The following TAB2 variants were observed in gnomAD, a reference collection of about 807,000 sequenced individuals.
The protein encoded by TAB2 is TGF-beta-activated kinase 1 and MAP3K7-binding protein 2.
Under a neutral mutation model 65.0 loss-of-function variants are expected in TAB2, and 3 were observed. The ratio of observed to expected loss-of-function variants is 0.05; its 90% CI spans 0.02 to 0.12. TAB2 has a LOEUF of 0.12. Among genes scored for constraint, TAB2 ranks in the 10% least tolerant of loss-of-function variants. The probability of loss-of-function intolerance (pLI) is 1.00; values close to 1 mark genes in which losing one functional copy is unlikely to be tolerated. For missense variants in TAB2, 623 were observed against 840.3 expected, an observed-to-expected ratio of 0.74 and a Z score of 3.20; for synonymous variants, 298 against 285.1, an observed-to-expected ratio of 1.05 and a Z score of -0.46.
chr6:149,386,439 C>T (rs1198628154), intron 3 of TAB2, among the ~76,000 whole-genome samples: 2 of 143,780 alleles, frequency 1.4e-5, no homozygotes, highest in Non-Finnish European at 3.1e-5. Flanking sequence ...AAGCTATCAC[C>T]TCCCTATCCC....
At chr6:149,347,746 TTA>T (rs368873168) in intron 1 of TAB2, among the ~76,000 whole-genome samples, 8 of 152,158 alleles carry the variant, frequency 5.3e-5, no homozygotes, top group Non-Finnish European at 1.0e-4. Flanking sequence ...TTTTAAAACT[TTA>T]TGTTAAATTA....
intron 1 of TAB2, among the ~76,000 whole-genome samples, chr6:149,253,450 A>G (rs1333998202): frequency 1.3e-5 from 2 of 151,600 alleles, no homozygotes; most frequent in Non-Finnish European, 2.9e-5. Flanking sequence ...GTGAAACCCC[A>G]TCTCTGCTAG....
At chr6:149,292,584 G>GA (rs1286617719) in intron 1 of TAB2, among the ~76,000 whole-genome samples, 1 of 150,192 alleles carries the variant, frequency 6.7e-6, no homozygotes, top group African/African-American at 2.4e-5. Context: ...TTTTATTTTT[G>GA]AAAAAACACT....
intron 1 of TAB2, among the ~76,000 whole-genome samples, chr6:149,351,825 A>G (rs1479451786): frequency 6.6e-6 from 1 of 152,200 alleles, no homozygotes; most frequent in African/African-American, 2.4e-5. Context: ...TCATCTAGTT[A>G]GATAAGACAG....
At chr6:149,218,320 C>A (rs1002588004), upstream of TAB2, among the ~76,000 whole-genome samples, 1 of 152,052 alleles carries the variant, frequency 6.6e-6, no homozygotes, top group Non-Finnish European at 1.5e-5. Context: ...AAGAACACTG[C>A]ACATGTTTTA....
intron 1 of TAB2, among the ~76,000 whole-genome samples, chr6:149,323,503 C>T (rs1270843530): frequency 1.3e-5 from 2 of 152,052 alleles, no homozygotes; most frequent in African/African-American, 2.4e-5. Context: ...ATAGCTTGGT[C>T]GTTTACTTAC....
chr6:149,402,936 C>T (rs1782486564), intron 6 of TAB2, among the ~76,000 whole-genome samples: 1 of 151,950 alleles, frequency 6.6e-6, no homozygotes, highest in Non-Finnish European at 1.5e-5. Context: ...AGCATTTATT[C>T]ATAATTAAAA....
At chr6:149,287,222 A>C (rs183194516) in intron 1 of TAB2, among the ~76,000 whole-genome samples, 1 of 152,230 alleles carries the variant, frequency 6.6e-6, no homozygotes, top group Admixed American at 6.5e-5. Flanking sequence ...ATATATTGAC[A>C]TGAGTCAACA....
At chr6:149,348,331 A>G (rs1050530413) in intron 1 of TAB2, among the ~76,000 whole-genome samples, 3 of 152,046 alleles carry the variant, frequency 2.0e-5, no homozygotes, top group Non-Finnish European at 2.9e-5. Flanking sequence ...TGAGGCTGCA[A>G]TGAGCCATGA....
At chr6:149,392,277 A>G (rs1782013841) in intron 3 of TAB2, among the ~76,000 whole-genome samples, 1 of 152,080 alleles carries the variant, frequency 6.6e-6, no homozygotes, top group Non-Finnish European at 1.5e-5. Context: ...AGTAGCTGAG[A>G]TTACAGGCAC....
intron 1 of TAB2, among the ~76,000 whole-genome samples, chr6:149,323,454 T>G (rs1425602591): frequency 6.6e-6 from 1 of 152,192 alleles, no homozygotes; most frequent in Non-Finnish European, 1.5e-5. Context: ...TAAGATAATT[T>G]CAATGAAAGT....
At chr6:149,254,019 AAAGAAAAG>A (rs1201455364) in intron 1 of TAB2, among the ~76,000 whole-genome samples, 13 of 146,276 alleles carry the variant, frequency 8.9e-5, no homozygotes, top group Admixed American at 2.8e-4. Flanking sequence ...AGAAAGAAAG[AAAGAAAAG>A]AAAGAAAGAG....
chr6:149,278,560 T>C (rs1778517920), intron 1 of TAB2, among the ~76,000 whole-genome samples: 1 of 152,186 alleles, frequency 6.6e-6, no homozygotes, highest in Non-Finnish European at 1.5e-5. Flanking sequence ...AGGTATCATT[T>C]GAGATAGTCT....
At chr6:149,356,286 G>A (rs757310784) in intron 1 of TAB2, among the ~76,000 whole-genome samples, 1 of 152,128 alleles carries the variant, frequency 6.6e-6, no homozygotes, top group Non-Finnish European at 1.5e-5. Flanking sequence ...CTAAAATTGG[G>A]GGTTAACTGA....
intron 1 of TAB2, among the ~76,000 whole-genome samples, chr6:149,253,302 T>C (rs1777898034): frequency 6.6e-6 from 1 of 152,242 alleles, no homozygotes; most frequent in South Asian, 2.1e-4. Flanking sequence ...CTAATTCCCT[T>C]TCTTTCTTCT....
At chr6:149,394,374 T>C (rs898533883) in intron 3 of TAB2, among the ~76,000 whole-genome samples, 4 of 152,336 alleles carry the variant, frequency 2.6e-5, no homozygotes, top group Admixed American at 1.3e-4. Flanking sequence ...TTAATCATAG[T>C]TACATCTTTA....
In TAB2 at chr6:149,317,888, ACCGGAGGCGGCGGCGGCG is replaced by A; in HGVS notation, c.-215_-198del. The A allele has an allele frequency of 5.9e-6, 1 of 168,400 alleles. No homozygotes were observed. Among genetic ancestry groups the A allele is most frequent in the Non-Finnish European group, 1.2e-5 (1 of 80,344 alleles). 10.4% of individuals were successfully genotyped at this position (168,400 alleles called of 1,614,324 possible). On this transcript the variant is annotated 5_prime_UTR_variant, in exon 1 of 7. Transcript: ENST00000637181. This position sits in a 1 kb window ranked among gnomAD's most constrained non-coding sequence, Gnocchi z 4.7. Reference sequence around the variant, plus strand: ...TGAGGTGTCCCCCCTGCCGGGTGGAACCGGAGGCGGCGGCGGCGCTGGCGGCGGCCGTGGTGGCGGAGG... The same window carrying A: ...TGAGGTGTCCCCCCTGCCGGGTGGAACTGGCGGCGGCCGTGGTGGCGGAGG...
At chr6:149,239,885 G>T (rs951101260) in intron 1 of TAB2, among the ~76,000 whole-genome samples, 1 of 152,140 alleles carries the variant, frequency 6.6e-6, no homozygotes, top group Non-Finnish European at 1.5e-5. Context: ...AGGTAAACTT[G>T]ACCTATTAGT....
At chr6:149,264,805 C>T (rs1012230636) in intron 1 of TAB2, among the ~76,000 whole-genome samples, 7 of 152,178 alleles carry the variant, frequency 4.6e-5, no homozygotes, top group African/African-American at 9.7e-5. Flanking sequence ...CAAGCCACAG[C>T]GGAAAACAGC....
Sources: allele counts gnomAD v4.1 joint callset (sites outside exome capture counted in the v4.1 genomes callset), GRCh38; gene constraint gnomAD v4.1.1; non-coding constraint Gnocchi (gnomAD v3.1); transcripts MANE v1.5; gene names NCBI Gene and HGNC (gene_info 2026-07-23, HGNC 2026-07-21).